Variants in ATRNL1 observed in about 807,000 individuals in gnomAD.
ATRNL1 encodes the protein attractin like 1.
ATRNL1 carries 95 observed loss-of-function variants against 182.7 expected under a neutral mutation model. That is an observed-to-expected ratio of 0.52 (90% CI 0.44 to 0.62). ATRNL1 has a LOEUF of 0.62. ATRNL1 is among the 20% of genes least tolerant of loss of function. The pLI, the probability that ATRNL1 is intolerant of heterozygous loss-of-function variation, is 0.00. For missense variants in ATRNL1, 1,471 were observed against 1,679.5 expected, an observed-to-expected ratio of 0.88 and a Z score of 2.17; for synonymous variants, 576 against 568.3, an observed-to-expected ratio of 1.01 and a Z score of -0.19.
At chr10:115,919,990 G>A (rs978029392) in intron 28 of ATRNL1, among the ~76,000 whole-genome samples, 8 of 152,260 alleles carry the variant, frequency 5.3e-5, no homozygotes, top group African/African-American at 1.7e-4. Flanking sequence ...ATTTCAACAC[G>A]TGGATTTGGG....
intron 26 of ATRNL1, 53 bp downstream of exon 26, chr10:115,549,589 A>C: frequency 8.3e-7 from 1 of 1,201,992 alleles, no homozygotes. Flanking sequence ...AAATATATGG[A>C]TCTCTATTGT....
intron 28 of ATRNL1, among the ~76,000 whole-genome samples, chr10:115,924,977 G>A (rs1555119663): frequency 6.6e-6 from 1 of 152,162 alleles, no homozygotes; most frequent in Non-Finnish European, 1.5e-5. Flanking sequence ...CTTGTTAGCT[G>A]TATTCCTAGG....
At chr10:115,226,270 T>C (rs1476001236) in intron 9 of ATRNL1, among the ~76,000 whole-genome samples, 1 of 152,030 alleles carries the variant, frequency 6.6e-6, no homozygotes, top group Non-Finnish European at 1.5e-5. Context: ...TTCAGATCAA[T>C]GTTAGATCTA....
At chr10:115,270,098 A>G (rs1851777040) in intron 13 of ATRNL1, among the ~76,000 whole-genome samples, 1 of 151,402 alleles carries the variant, frequency 6.6e-6, no homozygotes, top group South Asian at 2.1e-4. Context: ...ATCCACTGAT[A>G]TTCATCTAAT....
At chr10:115,535,340 C>T (rs1197036713) in intron 25 of ATRNL1, among the ~76,000 whole-genome samples, 8 of 152,050 alleles carry the variant, frequency 5.3e-5, no homozygotes, top group South Asian at 2.1e-4. Flanking sequence ...CTTCCCTTCT[C>T]GCTTCATTTC....
intron 28 of ATRNL1, among the ~76,000 whole-genome samples, chr10:115,878,718 G>A (rs535477193): frequency 1.3e-5 from 2 of 152,286 alleles, no homozygotes; most frequent in Non-Finnish European, 1.5e-5. Flanking sequence ...ACTCTCGGTT[G>A]CATAATGCAT....
chr10:115,829,704 G>A (rs1363423456), intron 27 of ATRNL1, among the ~76,000 whole-genome samples: 2 of 151,882 alleles, frequency 1.3e-5, no homozygotes, highest in East Asian at 3.9e-4. Context: ...GCAAAATCAA[G>A]GGATTTTCTT....
chr10:115,703,997 AG>A (rs1946820230), intron 26 of ATRNL1, among the ~76,000 whole-genome samples: 1 of 152,000 alleles, frequency 6.6e-6, no homozygotes, highest in South Asian at 2.1e-4. Flanking sequence ...AAAATGAAAT[AG>A]AATCCCAATT....
intron 26 of ATRNL1, among the ~76,000 whole-genome samples, chr10:115,614,648 T>A (rs2133787154): frequency 1.3e-5 from 2 of 152,252 alleles, no homozygotes; most frequent in East Asian, 3.9e-4. Flanking sequence ...GTTACTATAT[T>A]GCTGTCTATA....
intron 26 of ATRNL1, among the ~76,000 whole-genome samples, chr10:115,617,779 G>A (rs113018583): frequency 0.044 from 6,774 of 152,284 alleles, 458 homozygotes; most frequent in African/African-American, 0.15. Flanking sequence ...AGATTGTTGG[G>A]AAGGCATGAT....
chr10:115,441,303 T>C (rs1202067199), intron 21 of ATRNL1, among the ~76,000 whole-genome samples: 1 of 151,938 alleles, frequency 6.6e-6, no homozygotes, highest in Non-Finnish European at 1.5e-5. Context: ...ACCATTTCTG[T>C]ATTTTCTTTC....
chr10:115,939,972 A>G (rs1276391794), intron 28 of ATRNL1, among the ~76,000 whole-genome samples: 15 of 152,236 alleles, frequency 9.9e-5, no homozygotes, highest in Admixed American at 9.2e-4. Flanking sequence ...AAAAGATCGC[A>G]AACGACCTTT....
intron 8 of ATRNL1, among the ~76,000 whole-genome samples, chr10:115,209,924 A>G (rs1848955958): frequency 6.6e-6 from 1 of 151,998 alleles, no homozygotes; most frequent in Non-Finnish European, 1.5e-5. Context: ...AAACTACTAT[A>G]CCACTTATGA....
intron 25 of ATRNL1, among the ~76,000 whole-genome samples, chr10:115,539,212 A>G (rs1213041161): frequency 2.0e-5 from 3 of 152,224 alleles, no homozygotes; most frequent in Non-Finnish European, 2.9e-5. Context: ...GTGTAATTCA[A>G]TGCTGATTAT....
intron 13 of ATRNL1, among the ~76,000 whole-genome samples, chr10:115,269,064 C>T (rs1217410258): frequency 6.6e-6 from 1 of 152,052 alleles, no homozygotes; most frequent in African/African-American, 2.4e-5. Flanking sequence ...TTTTTAACGT[C>T]CTTTTTCATC....
chr10:115,161,668 G>A (rs568776241), intron 6 of ATRNL1, among the ~76,000 whole-genome samples: 3 of 152,108 alleles, frequency 2.0e-5, no homozygotes, highest in South Asian at 4.1e-4. Context: ...TTTTCCATTG[G>A]AACCAGATAA....
intron 28 of ATRNL1, among the ~76,000 whole-genome samples, chr10:115,931,763 A>G (rs1953401423): frequency 6.6e-6 from 1 of 152,144 alleles, no homozygotes; most frequent in African/African-American, 2.4e-5. Flanking sequence ...TTCTATCTCC[A>G]TCCATCCCTT....
intron 1 of ATRNL1, among the ~76,000 whole-genome samples, chr10:115,102,436 A>G (rs1017802482): frequency 3.9e-5 from 6 of 151,912 alleles, no homozygotes; most frequent in Non-Finnish European, 5.9e-5. Flanking sequence ...GTATATGTGT[A>G]TATATATATA....
rs782184683 is a variant in ATRNL1, at chr10:115,885,192, AAAAT to A, written c.4018+37213_4018+37216del. Among the ~76,000 whole-genome samples the A allele has an allele frequency of 4.3e-4, 65 of 152,360 alleles. No homozygotes were observed. The Middle Eastern group carries it at 0.017, about 40-fold the overall frequency. ...CTTATGTAAAATTTGTGTCTTATCA[AAAAT>A]AAATAAATAAACAGATTCAAAGACT... On this transcript the variant is annotated intron_variant, in intron 28 of 28. Transcript: ENST00000355044.
Sources: gnomAD v4.1 joint callset for allele counts (sites outside exome capture counted in the v4.1 genomes callset) on GRCh38, gnomAD v4.1.1 for gene constraint, MANE v1.5 for transcripts, NCBI Gene and HGNC (gene_info 2026-07-23, HGNC 2026-07-21) for gene names.